Variants in NOS1AP observed in about 807,000 individuals in gnomAD.
NOS1AP encodes nitric oxide synthase 1 adaptor protein, also known as carboxyl-terminal PDZ ligand of neuronal nitric oxide synthase protein.
In NOS1AP, 21 loss-of-function variants were observed where a neutral mutation model predicts 56.2. That is an observed-to-expected ratio of 0.37 (90% CI 0.26 to 0.54). The LOEUF (loss-of-function observed/expected upper bound fraction) is 0.54, where lower values mean the gene tolerates loss of function less well. NOS1AP is among the 20% of genes least tolerant of loss of function. NOS1AP has a pLI of 0.84. For synonymous variants in NOS1AP, 270 were observed against 274.6 expected (o/e 0.98, Z 0.17); for missense variants, 522 against 657.8 (o/e 0.79, Z 2.26).
chr1:162,209,358 G>A (rs969865091), intron 2 of NOS1AP, among the ~76,000 whole-genome samples: 8 of 152,276 alleles, frequency 5.3e-5, no homozygotes, highest in South Asian at 2.1e-4. Context: ...ACTGAAGTGT[G>A]TGTATAAATG....
intron 2 of NOS1AP, among the ~76,000 whole-genome samples, chr1:162,230,171 A>C (rs1325735683): frequency 1.3e-5 from 2 of 152,122 alleles, no homozygotes; most frequent in African/African-American, 4.8e-5. Context: ...TAGAGAAGTC[A>C]CTGGAGCACC....
chr1:162,168,606 A>G (rs184467690), intron 2 of NOS1AP, among the ~76,000 whole-genome samples: 117 of 151,714 alleles, frequency 7.7e-4, no homozygotes, highest in African/African-American at 2.6e-3. Context: ...ATTGATGCAC[A>G]AGCTGTCATT....
intron 2 of NOS1AP, among the ~76,000 whole-genome samples, chr1:162,159,754 C>A (rs1303039024): frequency 4.6e-5 from 7 of 152,170 alleles, no homozygotes; most frequent in Non-Finnish European, 8.8e-5. Context: ...ACTTAATAAC[C>A]ACCTGAGCAT....
intron 2 of NOS1AP, among the ~76,000 whole-genome samples, chr1:162,218,044 C>A (rs897101960): frequency 6.6e-6 from 1 of 152,148 alleles, no homozygotes; most frequent in African/African-American, 2.4e-5. Context: ...GACTAACTTC[C>A]TTTAAGTATC....
At chr1:162,195,752 A>T (rs530495626) in intron 2 of NOS1AP, among the ~76,000 whole-genome samples, 1 of 151,872 alleles carries the variant, frequency 6.6e-6, no homozygotes, top group South Asian at 2.1e-4. Context: ...CTCTTCTATG[A>T]CGCATACCCT....
At chr1:162,097,870 C>A (rs1412666853) in intron 1 of NOS1AP, among the ~76,000 whole-genome samples, 1 of 151,782 alleles carries the variant, frequency 6.6e-6, no homozygotes, top group African/African-American at 2.4e-5. Flanking sequence ...TTAGTAAGTT[C>A]TTTAAAATAG....
chr1:162,181,179 T>C (rs548694779), intron 2 of NOS1AP, among the ~76,000 whole-genome samples: 1 of 152,316 alleles, frequency 6.6e-6, no homozygotes, highest in East Asian at 1.9e-4. Flanking sequence ...TTAGACCCAC[T>C]CATAATTGGT....
At chr1:162,298,518 A>T (rs1368825525) in intron 3 of NOS1AP, among the ~76,000 whole-genome samples, 1 of 152,072 alleles carries the variant, frequency 6.6e-6, no homozygotes, top group Admixed American at 6.6e-5. Flanking sequence ...CCCAGCCTTA[A>T]CTCCCTTCTG....
At chr1:162,340,234 T>G (rs1265298196) in intron 5 of NOS1AP, among the ~76,000 whole-genome samples, 1 of 152,214 alleles carries the variant, frequency 6.6e-6, no homozygotes. Context: ...ACCATTTAAT[T>G]TATTAATTTA....
intron 2 of NOS1AP, among the ~76,000 whole-genome samples, chr1:162,184,559 A>G (rs945262896): frequency 6.6e-6 from 1 of 152,228 alleles, no homozygotes; most frequent in Non-Finnish European, 1.5e-5. Context: ...GTTACTGCTG[A>G]GAAAACTGTG....
intron 8 of NOS1AP, chr1:162,360,868 A>G (rs1293233125): frequency 2.2e-6 from 1 of 456,178 alleles, no homozygotes; most frequent in Non-Finnish European, 4.4e-6. Context: ...TGTGCCTGCT[A>G]CTCCCTAACT....
At position 162,365,455 on chromosome 1, in the gene NOS1AP, G is replaced by A; in HGVS notation, c.991G>A (p.Ala331Thr). ...LAAEAAARLE[A>T]QARVHQLLLQ... ...TGCTGAGGCTGCGGCGCGGCTGGAG[G>A]CCCAGGCTCGCGTGCATCAGCTTTT... The change falls in exon 9 of 10, where the codon GCC becomes ACC. Residue 331 changes from alanine (A) to threonine (T), a missense_variant. Coordinates refer to ENST00000361897, the MANE Select transcript of NOS1AP (RefSeq NM_014697.3). The A allele has an allele frequency of 6.2e-7, 1 of 1,614,046 alleles. No individual in the cohort carries two copies. The highest frequency in any genetic ancestry group is 1.1e-5 in the South Asian group (1 of 91,086).
At chr1:162,363,735 A>G (rs1246981713) in intron 8 of NOS1AP, 14 of 945,402 alleles carry the variant, frequency 1.5e-5, no homozygotes, top group South Asian at 4.9e-5. Flanking sequence ...GTCAGGAAAC[A>G]GGGATGAAGA....
intron 8 of NOS1AP, among the ~76,000 whole-genome samples, chr1:162,361,662 A>G (rs565642170): frequency 1.3e-5 from 2 of 152,216 alleles, no homozygotes; most frequent in Admixed American, 6.5e-5. Flanking sequence ...GAAATAGTGT[A>G]ACTGGGTTTA....
intron 1 of NOS1AP, among the ~76,000 whole-genome samples, chr1:162,134,979 G>A (rs1289342802): frequency 6.6e-5 from 10 of 152,146 alleles, no homozygotes; most frequent in Admixed American, 5.2e-4. Context: ...TTCTATGCAC[G>A]CTGATGTTCC....
At chr1:162,364,249 G>A in intron 8 of NOS1AP, 1 of 985,370 alleles carries the variant, frequency 1.0e-6, no homozygotes, top group African/African-American at 1.7e-5. Flanking sequence ...CACTCACCTG[G>A]CTCTGTCTTT....
Position 162,221,528 on chromosome 1 carries a change from ACGCGCG to A in NOS1AP, c.178-65814_178-65809del, listed in dbSNP as rs61638740. 0.021 allele frequency among the ~76,000 whole-genome samples: 1,244 copies of A among 59,512 alleles called. 131 individuals carry two copies. The East Asian group carries it at 0.26, about 12-fold the overall frequency. The allele number at this position is 59,512 out of a possible 152,430, so 39.0% of individuals were successfully genotyped here. The stretch of plus-strand genomic sequence containing the variant: ...TAATGCAACACACACACGCACACAC[ACGCGCG>A]CACACACACACACACACACACACAC... On this transcript the variant is annotated intron_variant, in intron 2 of 9. Coordinates refer to ENST00000361897, the MANE Select transcript of NOS1AP (RefSeq NM_014697.3).
At chr1:162,073,313 C>T (rs989258024) in intron 1 of NOS1AP, among the ~76,000 whole-genome samples, 3 of 152,184 alleles carry the variant, frequency 2.0e-5, no homozygotes, top group Non-Finnish European at 4.4e-5. Context: ...ACTTCAGACT[C>T]CCAAATCCAG....
chr1:162,300,583 G>A, intron 3 of NOS1AP, 50 bp from the exon 4 acceptor site: 1 of 1,495,712 alleles, frequency 6.7e-7, no homozygotes, highest in Non-Finnish European at 9.3e-7. Context: ...ATAGCTCAGT[G>A]TGTGCCCTGG....
Sources: allele counts gnomAD v4.1 joint callset (sites outside exome capture counted in the v4.1 genomes callset), GRCh38; gene constraint gnomAD v4.1.1; transcripts MANE v1.5; gene names NCBI Gene and HGNC (gene_info 2026-07-23, HGNC 2026-07-21).